AP4S1: variants seen among roughly 807,000 people sequenced by gnomAD.
The protein encoded by AP4S1 is AP-4 complex subunit sigma-1.
A neutral mutation model predicts 19.8 loss-of-function variants in AP4S1; 23 were observed. The observed-to-expected ratio is 1.16, with a 90% CI of 0.84 to 1.65. The LOEUF is 1.65. Among genes scored for constraint, AP4S1 ranks in the 40% most tolerant of loss-of-function variants. AP4S1 has a pLI of 0.00. For missense variants in AP4S1, 166 were observed against 172.8 expected (o/e 0.96, Z 0.22); for synonymous variants, 46 against 54.1 (o/e 0.85, Z 0.66).
intron 1 of AP4S1, among the ~76,000 whole-genome samples, chr14:31,059,795 G>C (rs1382535674): frequency 1.3e-5 from 2 of 151,928 alleles, no homozygotes; most frequent in African/African-American, 2.4e-5. Flanking sequence ...AGCTGGTCTA[G>C]ATAAATGAAG....
intron 1 of AP4S1, 150 bp downstream of exon 1, chr14:31,025,937 C>T: frequency 1.2e-6 from 2 of 1,600,648 alleles, no homozygotes; most frequent in South Asian, 2.2e-5. Context: ...CCCAGTGCGC[C>T]CGCTCCATCT....
At chr14:31,038,404 AT>A (rs1884899722) in intron 1 of AP4S1, among the ~76,000 whole-genome samples, 1 of 152,202 alleles carries the variant, frequency 6.6e-6, no homozygotes, top group African/African-American at 2.4e-5. Context: ...ATCTGTTAGA[AT>A]TGTACCTTTT....
intron 1 of AP4S1, among the ~76,000 whole-genome samples, chr14:31,044,777 A>G (rs1271897103): frequency 2.0e-5 from 3 of 151,946 alleles, no homozygotes; most frequent in African/African-American, 2.4e-5. Flanking sequence ...ATTTAATTCC[A>G]TGGTCCTGTT....
chr14:31,059,953 A>T (rs963694792), intron 1 of AP4S1, among the ~76,000 whole-genome samples: 2 of 146,590 alleles, frequency 1.4e-5, no homozygotes, highest in African/African-American at 2.5e-5. Context: ...ATATTTATTT[A>T]TTTATGTATA....
At chr14:31,089,234 G>C (rs1255951779) in intron 5 of AP4S1, among the ~76,000 whole-genome samples, 1 of 151,592 alleles carries the variant, frequency 6.6e-6, no homozygotes, top group Admixed American at 6.6e-5. Flanking sequence ...GGACTATGCA[G>C]AATCTTCATG....
At chr14:31,076,942 T>A (rs1194316833) in intron 4 of AP4S1, among the ~76,000 whole-genome samples, 1 of 152,202 alleles carries the variant, frequency 6.6e-6, no homozygotes, top group Non-Finnish European at 1.5e-5. Context: ...TTATTTTTAT[T>A]TTTTTTGAGA....
intron 1 of AP4S1, among the ~76,000 whole-genome samples, chr14:31,054,346 G>A (rs1020471957): frequency 3.9e-5 from 6 of 152,126 alleles, no homozygotes; most frequent in Non-Finnish European, 8.8e-5. Flanking sequence ...AATGACCTGG[G>A]CAACATAGCA....
At chr14:31,051,203 C>G (rs1048085798) in intron 1 of AP4S1, among the ~76,000 whole-genome samples, 1 of 151,558 alleles carries the variant, frequency 6.6e-6, no homozygotes, top group Non-Finnish European at 1.5e-5. Flanking sequence ...CTGCAGTGAG[C>G]CATGTTTGCA....
At chr14:31,049,428 AATATATAT>A (rs1182207910) in intron 1 of AP4S1, among the ~76,000 whole-genome samples, 2,503 of 57,456 alleles carry the variant, frequency 0.044, 110 homozygotes, top group East Asian at 0.07. Context: ...AAAAAAAAAA[AATATATAT>A]ATATATATAT....
At chr14:31,031,210 G>A (rs1197743537) in intron 1 of AP4S1, among the ~76,000 whole-genome samples, 2 of 152,160 alleles carry the variant, frequency 1.3e-5, no homozygotes, top group Non-Finnish European at 2.9e-5. Flanking sequence ...AGAACTGTGA[G>A]TCCATTAAAC....
chr14:31,066,530 A>G (rs1310981816), intron 2 of AP4S1, among the ~76,000 whole-genome samples, 196 bp downstream of exon 2: 3 of 152,224 alleles, frequency 2.0e-5, no homozygotes, highest in African/African-American at 7.2e-5. Flanking sequence ...AAAAACAAGG[A>G]AAACCTGGAA....
At position 31,085,327 on chromosome 14, in the gene AP4S1, C is replaced by CT. The variant is rs1268633115; in HGVS notation, c.306+4744dup. On this transcript the variant is annotated intron_variant, in intron 5 of 5. Transcript: ENST00000542754. ...ACTAGGGGCAGGAATGATAAGAAGG[C>CT]TGGGTGGTAGCTGGGATGTCCCACC... The CT allele has an allele frequency of 7.0e-6, 7 of 993,746 alleles. No homozygotes were observed. In the African/African-American group the frequency reaches 1.2e-4, roughly 17 times the overall value. 61.6% of individuals were successfully genotyped at this position (993,746 alleles called of 1,614,324 possible). A position where few individuals can be genotyped will look rare whatever the true frequency, so the allele number is the denominator to read the frequency against.
intron 4 of AP4S1, among the ~76,000 whole-genome samples, chr14:31,077,892 C>T (rs1446421335): frequency 6.6e-6 from 1 of 152,040 alleles, no homozygotes; most frequent in Non-Finnish European, 1.5e-5. Context: ...CGTGCCACCA[C>T]ACCCAGCTAA....
intron 1 of AP4S1, among the ~76,000 whole-genome samples, chr14:31,037,181 C>G (rs190389646): frequency 2.6e-5 from 4 of 152,162 alleles, no homozygotes; most frequent in Admixed American, 2.6e-4. Flanking sequence ...CACACACACG[C>G]ACACACACCC....
At position 31,072,988 on chromosome 14, in the gene AP4S1, TA is replaced by T. The variant is rs1050509151; in HGVS notation, c.294+21del. The T allele has an allele frequency of 7.5e-6, 12 of 1,609,214 alleles. No homozygotes were observed. Among genetic ancestry groups the T allele is most frequent in the African/African-American group, 1.3e-5 (1 of 74,928 alleles). On this transcript the variant is annotated intron_variant, in intron 4 of 5. Transcript: ENST00000542754. ...TCAGCCGAGTGGTAAGTCTAATGGCTAAAAAATGGTTTACTTCCTCAACCCA... is the reference window on the plus strand; with the variant it reads ...TCAGCCGAGTGGTAAGTCTAATGGCTAAAAATGGTTTACTTCCTCAACCCA...
intron 1 of AP4S1, chr14:31,033,133 C>G (rs1266461242): frequency 9.2e-5 from 14 of 152,192 alleles, no homozygotes; most frequent in Admixed American, 7.2e-4. Flanking sequence ...ATTACTGTCT[C>G]TGGTTCTCAA....
intron 4 of AP4S1, among the ~76,000 whole-genome samples, chr14:31,074,293 C>A (rs1206062705): frequency 6.6e-6 from 1 of 151,790 alleles, no homozygotes; most frequent in Non-Finnish European, 1.5e-5. Flanking sequence ...CCACTGCACT[C>A]CAGCCTTAGT....
chr14:31,029,291 A>G (rs1884242398), intron 1 of AP4S1, among the ~76,000 whole-genome samples: 1 of 152,210 alleles, frequency 6.6e-6, no homozygotes, highest in African/African-American at 2.4e-5. Flanking sequence ...TGATTCTGTC[A>G]TTCCTCTGTT....
In AP4S1 at chr14:31,084,865, A is replaced by G. The variant is rs1228214819; in HGVS notation, c.306+4281A>G. The G allele has an allele frequency of 1.9e-6, 3 of 1,614,090 alleles. No homozygotes were observed. The highest frequency in any genetic ancestry group is 2.5e-6 in the Non-Finnish European group (3 of 1,180,052). ...TTCATCATTCAAAGGAGCTGCCTCC[A>G]CCACCCCCATCTACTGAATAGCCAG... is the stretch of plus-strand genomic sequence containing the variant. On this transcript the variant is annotated intron_variant, in intron 5 of 5. Transcript: ENST00000542754.
Sources: allele counts gnomAD v4.1 joint callset (sites outside exome capture counted in the v4.1 genomes callset), GRCh38; gene constraint gnomAD v4.1.1; transcripts MANE v1.5; gene names NCBI Gene and HGNC (gene_info 2026-07-23, HGNC 2026-07-21).